The following FANCC variants were observed in gnomAD, a reference collection of about 807,000 sequenced individuals.
The protein encoded by FANCC is FA complementation group C, also known as Fanconi anemia group C protein.
Under a neutral mutation model 71.3 loss-of-function variants are expected in FANCC, and 55 were observed. The ratio of observed to expected loss-of-function variants is 0.77; its 90% CI spans 0.62 to 0.97. FANCC has a LOEUF of 0.97. FANCC is among the 50% of genes least tolerant of loss of function. The pLI is 0.00. For synonymous variants in FANCC, 275 were observed against 244.9 expected, an observed-to-expected ratio of 1.12 and a Z score of -1.15; for missense variants, 678 against 670.9, an observed-to-expected ratio of 1.01 and a Z score of -0.12.
intron 8 of FANCC, among the ~76,000 whole-genome samples, chr9:95,133,132 G>A (rs1476424819): frequency 1.3e-5 from 2 of 152,244 alleles, no homozygotes; most frequent in Non-Finnish European, 2.9e-5. Context: ...ATCAGATGAT[G>A]CAATTAGGAA....
rs752638479 is a variant in FANCC, at chr9:95,111,271, G to A, written c.1329+192C>T. The A allele has an allele frequency of 5.7e-5, 89 of 1,552,654 alleles. No individual in the cohort carries two copies. The highest frequency in any genetic ancestry group is 7.2e-5 in the Non-Finnish European group (83 of 1,156,480). On this transcript the variant is annotated intron_variant, in intron 13 of 14. Coordinates refer to ENST00000289081, the MANE Select transcript of FANCC (RefSeq NM_000136.3). ...GCAGCGTCTCGTCTCTGGCCACCTC[G>A]GTGGGGACAGGAGAACGCCTCTGAC...
intron 13 of FANCC, 97 bp downstream of exon 13, chr9:95,111,366 T>C (rs1170769829): frequency 6.3e-7 from 1 of 1,597,690 alleles, no homozygotes; most frequent in Admixed American, 1.7e-5. Context: ...AGCTCAGGTG[T>C]CATGGAAGCC....
chr9:95,212,254 G>A (rs945760430), intron 4 of FANCC, among the ~76,000 whole-genome samples: 2 of 152,044 alleles, frequency 1.3e-5, no homozygotes, highest in African/African-American at 4.8e-5. Flanking sequence ...TGCACAAATA[G>A]AGGAATCTCG....
At chr9:95,274,411 ATC>A (rs1306567976) in intron 1 of FANCC, among the ~76,000 whole-genome samples, 1 of 152,078 alleles carries the variant, frequency 6.6e-6, no homozygotes, top group Non-Finnish European at 1.5e-5. Context: ...CATTTTCTTT[ATC>A]CAGTCTATCA....
intron 6 of FANCC, among the ~76,000 whole-genome samples, chr9:95,168,282 GAAC>G (rs1825436246): frequency 6.6e-6 from 1 of 152,138 alleles, no homozygotes; most frequent in African/African-American, 2.4e-5. Flanking sequence ...CCCTCCCAAA[GAAC>G]AGGTCATGAG....
chr9:95,262,974 T>C lies in FANCC; in HGVS notation c.-78-13605A>G, dbSNP rs73654542. Among the ~76,000 whole-genome samples the C allele has an allele frequency of 3.1e-3, 471 of 152,342 alleles. 1 individual carries two copies. Among genetic ancestry groups the C allele is most frequent in the African/African-American group, 0.011 (458 of 41,576 alleles). On this transcript the variant is annotated intron_variant, in intron 1 of 14. Coordinates refer to ENST00000289081, the MANE Select transcript of FANCC (RefSeq NM_000136.3). ...TAATGGAATGTTACTGCTTAATGGGTAGAGTTTCTGTTTGGGATAACGGGA... is the reference window on the plus strand; with the variant it reads ...TAATGGAATGTTACTGCTTAATGGGCAGAGTTTCTGTTTGGGATAACGGGA...
intron 1 of FANCC, among the ~76,000 whole-genome samples, chr9:95,285,533 C>T (rs1833639658): frequency 6.6e-6 from 1 of 151,972 alleles, no homozygotes; most frequent in South Asian, 2.1e-4. Flanking sequence ...GTCAAAAAAG[C>T]AGAGTGAAAC....
intron 1 of FANCC, among the ~76,000 whole-genome samples, chr9:95,281,830 A>C (rs1833400241): frequency 6.6e-6 from 1 of 151,972 alleles, no homozygotes; most frequent in Admixed American, 6.6e-5. Context: ...CAAAGTTGCT[A>C]TCAGTGTAAA....
At chr9:95,156,607 TAGA>T (rs1830472501) in intron 6 of FANCC, among the ~76,000 whole-genome samples, 1 of 152,196 alleles carries the variant, frequency 6.6e-6, no homozygotes, top group Non-Finnish European at 1.5e-5. Flanking sequence ...TGAGCCCTTT[TAGA>T]AGCTTTTGTG....
intron 1 of FANCC, among the ~76,000 whole-genome samples, chr9:95,306,214 A>C (rs1023892673): frequency 3.9e-5 from 6 of 152,204 alleles, no homozygotes; most frequent in African/African-American, 1.4e-4. Flanking sequence ...ACAGGACAAA[A>C]ACTTCCATTC....
At chr9:95,306,330 T>C (rs1026213285) in intron 1 of FANCC, among the ~76,000 whole-genome samples, 4 of 152,174 alleles carry the variant, frequency 2.6e-5, no homozygotes, top group African/African-American at 9.7e-5. Context: ...ATTTGTTTGC[T>C]GGCATTCATT....
intron 11 of FANCC, among the ~76,000 whole-genome samples, chr9:95,116,252 A>AATT (rs1226229830): frequency 2.0e-5 from 3 of 152,210 alleles, no homozygotes; most frequent in African/African-American, 7.2e-5. Context: ...ACCTAAGCGT[A>AATT]AGGTGAACCC....
chr9:95,106,978 G>T, intron 14 of FANCC, 88 bp downstream of exon 14: 3 of 1,291,572 alleles, frequency 2.3e-6, no homozygotes, highest in Non-Finnish European at 3.3e-6. Context: ...TACACACACT[G>T]TGCAGAGGCC....
intron 8 of FANCC, among the ~76,000 whole-genome samples, chr9:95,132,537 T>C (rs1452146219): frequency 6.6e-6 from 1 of 152,128 alleles, no homozygotes; most frequent in African/African-American, 2.4e-5. Flanking sequence ...GTACAGTAAA[T>C]GACAATCTAG....
chr9:95,252,522 G>A (rs1211752482), intron 1 of FANCC, among the ~76,000 whole-genome samples: 5 of 151,332 alleles, frequency 3.3e-5, no homozygotes, highest in South Asian at 2.1e-4. Flanking sequence ...AGAGACGGGC[G>A]GATCACGAGG....
chr9:95,194,782 C>T (rs1264962391), intron 4 of FANCC, among the ~76,000 whole-genome samples: 1 of 152,160 alleles, frequency 6.6e-6, no homozygotes, highest in Non-Finnish European at 1.5e-5. Flanking sequence ...CAAATATCTC[C>T]TCCCAGTCTG....
At chr9:95,173,315 A>T (rs769970131) in intron 4 of FANCC, among the ~76,000 whole-genome samples, 3 of 152,198 alleles carry the variant, frequency 2.0e-5, no homozygotes, top group Admixed American at 6.5e-5. Context: ...CCCGGAACCC[A>T]TCATGAAGCT....
chr9:95,206,543 T>C (rs976054857), intron 4 of FANCC, among the ~76,000 whole-genome samples: 4 of 152,202 alleles, frequency 2.6e-5, no homozygotes, highest in South Asian at 2.1e-4. Flanking sequence ...ACTTTTAACA[T>C]TACGCTTTCA....
At chr9:95,204,641 C>T (rs1432982267) in intron 4 of FANCC, among the ~76,000 whole-genome samples, 7 of 152,160 alleles carry the variant, frequency 4.6e-5, no homozygotes, top group African/African-American at 4.8e-5. Flanking sequence ...TCAAAATCCT[C>T]GCTTTTGATA....
Sources: allele counts gnomAD v4.1 joint callset (sites outside exome capture counted in the v4.1 genomes callset), GRCh38; gene constraint gnomAD v4.1.1; transcripts MANE v1.5; gene names NCBI Gene and HGNC (gene_info 2026-07-23, HGNC 2026-07-21).